LTBP2: variants seen among roughly 807,000 people sequenced by gnomAD.
LTBP2 encodes the protein latent transforming growth factor beta binding protein 2.
Under a neutral mutation model 210.6 loss-of-function variants are expected in LTBP2, and 103 were observed. The observed-to-expected ratio is 0.49, with a 90% CI of 0.42 to 0.58. The LOEUF (loss-of-function observed/expected upper bound fraction) is 0.58, where lower values mean the gene tolerates loss of function less well. Among genes scored for constraint, LTBP2 ranks in the 20% least tolerant of loss-of-function variants. The probability of loss-of-function intolerance (pLI) is 0.00; values close to 1 mark genes in which losing one functional copy is unlikely to be tolerated. For missense variants in LTBP2, 2,313 were observed against 2,494.5 expected (o/e 0.93, Z 1.55); for synonymous variants, 1,007 against 1,015.0 (o/e 0.99, Z 0.15).
chr14:74,532,039 T>G (rs2087356575), intron 10 of LTBP2, among the ~76,000 whole-genome samples: 1 of 151,864 alleles, frequency 6.6e-6, no homozygotes, highest in African/African-American at 2.4e-5. Context: ...TCTGGAAAGG[T>G]CACTCAGCAG....
chr14:74,608,566 C>T (rs7147181), intron 1 of LTBP2, among the ~76,000 whole-genome samples: 3 of 151,362 alleles, frequency 2.0e-5, no homozygotes, highest in Admixed American at 6.6e-5. Context: ...AAAAATTAGC[C>T]GGGTGTGGTG....
chr14:74,505,124 G>T lies in LTBP2; in HGVS notation c.4228C>A (p.Arg1410Ser). ...PTGDHAPAPT[R>S]MDCYSGQKGH... The stretch of plus-strand genomic sequence containing the variant: ...TTCTGCCCGGAGTAGCAGTCCATGC[G>T]GGTGGGGGCCGGGGCATGGTCCCCC... The change falls in exon 29 of 36, where the codon CGC (arginine) becomes AGC (serine). Residue 1410 changes from arginine to serine, a missense_variant. Around this residue, in one of 3 missense-constraint regions of LTBP2, gnomAD observed 1,867 missense variants for 1,976.9 expected, o/e 0.94. Transcript: ENST00000261978. The T allele has an allele frequency of 6.2e-7, 1 of 1,613,858 alleles. No homozygotes were observed. The highest frequency in any genetic ancestry group is 8.5e-7 in the Non-Finnish European group (1 of 1,180,028).
At position 74,552,963 on chromosome 14, in the gene LTBP2, T is replaced by C; in HGVS notation, c.1121A>G (p.Glu374Gly). 1 of 1,614,154 alleles carries C rather than the reference T, an allele frequency of 6.2e-7. No individual in the cohort carries two copies. The highest frequency in any genetic ancestry group is 1.1e-5 in the South Asian group (1 of 91,068). The change falls in exon 5 of 36, where the codon GAG becomes GGG. Residue 374 changes from glutamate to glycine, a missense_variant. Around this residue, in one of 3 missense-constraint regions of LTBP2, gnomAD observed 1,867 missense variants for 1,976.9 expected, o/e 0.94. Coordinates refer to ENST00000261978, the MANE Select transcript of LTBP2 (RefSeq NM_000428.3). ...CARGHCANSC[E>G]RGDTTTLYSQ... ...GTACAGGGTGGTGGTGTCGCCCCTC[T>C]CACAGCTGTTGGCACAGTGTCCACG...
At chr14:74,569,464 A>G (rs138552426) in intron 3 of LTBP2, among the ~76,000 whole-genome samples, 11 of 152,250 alleles carry the variant, frequency 7.2e-5, no homozygotes, top group African/African-American at 2.6e-4. Context: ...CTGAAGGACT[A>G]AAGTTGTGTA....
chr14:74,499,079 C>T lies in LTBP2; in HGVS notation c.*1805G>A. 4.6e-6 allele frequency: 1 copy of T among 218,208 alleles called. No individual in the cohort carries two copies. Among genetic ancestry groups the T allele is most frequent in the Middle Eastern group, 1.4e-3 (1 of 696 alleles). The allele number at this position is 218,208 out of a possible 1,614,324, so 13.5% of individuals were successfully genotyped here. A position where few individuals can be genotyped will look rare whatever the true frequency, so the allele number is the denominator to read the frequency against. On this transcript the variant is annotated 3_prime_UTR_variant, in exon 36 of 36. Coordinates refer to ENST00000261978, the MANE Select transcript of LTBP2 (RefSeq NM_000428.3). ...TTGAAGGACATTGCCATATTGTCCT[C>T]TTCAATATGTACTTCTGTCAGCTGT...
chr14:74,527,201 T>G (rs2087284421), intron 13 of LTBP2, 146 bp downstream of exon 13: 1 of 1,025,484 alleles, frequency 9.8e-7, no homozygotes, highest in Non-Finnish European at 1.5e-6. Flanking sequence ...TCCTCCCACT[T>G]GGTCATCTCT....
Position 74,564,072 on chromosome 14 carries a change from TA to T in LTBP2, c.831-8380del, listed in dbSNP as rs1566640380. Among the ~76,000 whole-genome samples, 106 of 41,700 alleles carry T rather than the reference TA, an allele frequency of 2.5e-3. 1 individual carries two copies. The highest frequency in any genetic ancestry group is 5.1e-3 in the African/African-American group (52 of 10,162). 27.4% of individuals were successfully genotyped at this position (41,700 alleles called of 152,430 possible). On this transcript the variant is annotated intron_variant, in intron 3 of 35. Coordinates refer to ENST00000261978, the MANE Select transcript of LTBP2 (RefSeq NM_000428.3). ...ATTTATATATATATTTATATATATA[TA>T]TTTATATATATATTTATATATATAT... is the stretch of plus-strand genomic sequence containing the variant.
intron 8 of LTBP2, among the ~76,000 whole-genome samples, chr14:74,537,110 C>G (rs911453100): frequency 2.6e-5 from 4 of 151,520 alleles, no homozygotes; most frequent in Admixed American, 6.6e-5. Context: ...TATTTTTATG[C>G]TGATACACAT....
At chr14:74,606,617 G>C (rs1341883599) in intron 1 of LTBP2, among the ~76,000 whole-genome samples, 5 of 152,128 alleles carry the variant, frequency 3.3e-5, no homozygotes, top group Non-Finnish European at 5.9e-5. Context: ...AGGAGTCTGA[G>C]GTGGGCAGAT....
chr14:74,516,998 G>A, intron 17 of LTBP2, 57 bp from the exon 18 acceptor site: 1 of 1,543,266 alleles, frequency 6.5e-7, no homozygotes, highest in Non-Finnish European at 8.7e-7. Context: ...TGGTGGAGGG[G>A]GCGGGGTCCT....
chr14:74,587,444 A>G (rs757921653), intron 2 of LTBP2, among the ~76,000 whole-genome samples: 1 of 151,770 alleles, frequency 6.6e-6, no homozygotes, highest in African/African-American at 2.4e-5. Flanking sequence ...GGAGACTCAG[A>G]TGGGGCGGCC....
intron 23 of LTBP2, 25 bp downstream of exon 23, chr14:74,508,805 C>T (rs778477019): frequency 1.2e-6 from 2 of 1,613,712 alleles, no homozygotes; most frequent in South Asian, 2.2e-5. Context: ...CCCCCACCCC[C>T]AGTAGGGTGA....
At position 74,508,622 on chromosome 14, in the gene LTBP2, C is replaced by A. The variant is rs200532538; in HGVS notation, c.3634G>T (p.Gly1212Trp). The change falls in exon 24 of 36, where the codon GGG becomes TGG. Residue 1212 changes from glycine (G) to tryptophan (W), a missense_variant. Physicochemically the swap from Gly to Trp is radical, Grantham distance 184. Coordinates refer to ENST00000261978, the MANE Select transcript of LTBP2 (RefSeq NM_000428.3). Reference sequence around the variant, plus strand: ...TTCTCACCCTGGCAGCTGGTGCCCCCCTCTGCGCTGACGAAGCCAGGCGCG... The same window carrying A: ...TTCTCACCCTGGCAGCTGGTGCCCCACTCTGCGCTGACGAAGCCAGGCGCG... ...LCAPGFVSAE[G>W]GTSCQDVDEC... 165 of 1,609,752 alleles carry A rather than the reference C, an allele frequency of 1.0e-4. 1 individual carries two copies. Among genetic ancestry groups the A allele is most frequent in the African/African-American group, 1.3e-4 (10 of 75,040 alleles).
intron 8 of LTBP2, among the ~76,000 whole-genome samples, chr14:74,537,019 T>G (rs978138198): frequency 1.5e-4 from 23 of 152,182 alleles, no homozygotes; most frequent in African/African-American, 4.8e-4. Flanking sequence ...TTATTGTTAT[T>G]ACTTTTTGCT....
chr14:74,604,044 A>T (rs1026963990), intron 1 of LTBP2, among the ~76,000 whole-genome samples: 1 of 151,948 alleles, frequency 6.6e-6, no homozygotes, highest in Non-Finnish European at 1.5e-5. Context: ...AAAGCTAATA[A>T]GCCACTTCAG....
rs1442062204 is a variant in LTBP2, at chr14:74,553,017, G to A, written c.1067C>T (p.Thr356Ile). Residue 356 changes from threonine (T) to isoleucine (I), a missense_variant, in exon 5 of 36, where the codon ACT (threonine) becomes ATT (isoleucine). Thr to Ile is a moderately conservative substitution (Grantham distance 89). Coordinates refer to ENST00000261978, the MANE Select transcript of LTBP2 (RefSeq NM_000428.3). ...ACAGGTCTGCTTGCAGATGGTGGGA[G>A]TGAAGACGATCTTGATCTTCTTGAT... ...EKIKKIKIVF[T>I]PTICKQTCAR... 1 of 1,614,120 alleles carries A rather than the reference G, an allele frequency of 6.2e-7. No individual in the cohort carries two copies. Among genetic ancestry groups the A allele is most frequent in the Non-Finnish European group, 8.5e-7 (1 of 1,180,044 alleles).
chr14:74,512,089 G>A (rs1256798378), intron 18 of LTBP2, among the ~76,000 whole-genome samples: 2 of 152,136 alleles, frequency 1.3e-5, no homozygotes, highest in Non-Finnish European at 2.9e-5. Context: ...GGAAGAGGAG[G>A]GAGCTAGTTC....
chr14:74,532,505 C>T lies in LTBP2; in HGVS notation c.1908G>A (p.Glu636=). The T allele has an allele frequency of 1.9e-6, 3 of 1,614,258 alleles. No homozygotes were observed. Among genetic ancestry groups the T allele is most frequent in the Non-Finnish European group, 2.5e-6 (3 of 1,180,048 alleles). ...CLTLGLCKDA[E]CVNTRGSYLC... ...GGTAGCTGCCCCTGGTATTCACACA[C>T]TCCGCGTCCTTGCACAGGCCCAGGG... The change falls in exon 10 of 36, where the codon GAG becomes GAA. Residue 636 remains glutamate (E), a synonymous_variant. Coordinates refer to ENST00000261978, the MANE Select transcript of LTBP2 (RefSeq NM_000428.3).
rs546442756 is a variant in LTBP2, at chr14:74,500,873, A to AC, written c.*10dup. ...CCATTTCCAGGTAGTTGCCACACTG[A>AC]CCCCTGACTGCTACTCCTTGGCAGT... On this transcript the variant is annotated 3_prime_UTR_variant, in exon 36 of 36. Transcript: ENST00000261978. The AC allele has an allele frequency of 1.9e-3, 3,005 of 1,613,598 alleles. 12 individuals are homozygous for AC. Among genetic ancestry groups the AC allele is most frequent in the Non-Finnish European group, 1.9e-3 (2,230 of 1,179,962 alleles).
Sources: allele counts gnomAD v4.1 joint callset (sites outside exome capture counted in the v4.1 genomes callset), GRCh38; gene constraint gnomAD v4.1.1; regional missense constraint gnomAD v4.1.1; transcripts MANE v1.5; gene names NCBI Gene and HGNC (gene_info 2026-07-23, HGNC 2026-07-21).